SH3KBP1: variants seen among roughly 807,000 people sequenced by gnomAD.
SH3KBP1 encodes SH3 domain-containing kinase-binding protein 1.
In SH3KBP1, 8 loss-of-function variants were observed where a neutral mutation model predicts 50.1. The ratio of observed to expected loss-of-function variants is 0.16; its 90% CI spans 0.09 to 0.29. SH3KBP1 has a LOEUF of 0.29. SH3KBP1 is among the 10% of genes least tolerant of loss of function. The pLI is 1.00. For missense variants in SH3KBP1, 377 were observed against 535.2 expected, an observed-to-expected ratio of 0.70 and a Z score of 2.92; for synonymous variants, 227 against 218.6, an observed-to-expected ratio of 1.04 and a Z score of -0.34.
rs764651688 is a variant in SH3KBP1 at position 19,551,392 on chromosome X, T to A, written c.1385-1309A>T. On this transcript the variant is annotated intron_variant, in intron 13 of 17. Coordinates refer to ENST00000397821, the MANE Select transcript of SH3KBP1 (RefSeq NM_031892.3). ...ATCTCTCTAGCTGGGCTCAGCAGGGTGCCAGGAGGACCCTGGCCAGGGGGA... is the reference window on the plus strand; with the variant it reads ...ATCTCTCTAGCTGGGCTCAGCAGGGAGCCAGGAGGACCCTGGCCAGGGGGA... Among the ~76,000 whole-genome samples, 5 of 110,914 alleles carry A rather than the reference T, an allele frequency of 4.5e-5. No individual in the cohort carries two copies. In the East Asian group the frequency reaches 1.4e-3, roughly 31 times the overall value.
intron 2 of SH3KBP1, among the ~76,000 whole-genome samples, chrX:19,747,102 A>G (rs2064939526): frequency 8.9e-6 from 1 of 112,048 alleles, no homozygotes; most frequent in African/African-American, 3.2e-5. Context: ...ACACCAGCGG[A>G]ACTGAGTAGC....
chrX:19,572,080 C>T (rs982698065), intron 12 of SH3KBP1, among the ~76,000 whole-genome samples: 2 of 110,120 alleles, frequency 1.8e-5, no homozygotes, highest in African/African-American at 3.3e-5. Flanking sequence ...AATGTGAGCC[C>T]GTCTCCAGAA....
rs952885166 is a variant in SH3KBP1, at chrX:19,816,442, C to G, written c.162+19683G>C. On this transcript the variant is annotated intron_variant, in intron 2 of 17. Coordinates refer to ENST00000397821, the MANE Select transcript of SH3KBP1 (RefSeq NM_031892.3). ...TCAGACATGTGGTTTGCAAATATTT[C>G]CTCCCAGTCTGTAACCTATCTTTTC... Among the ~76,000 whole-genome samples, 2 of 111,787 alleles carry G rather than the reference C, an allele frequency of 1.8e-5. 1 individual carries two copies.
intron 1 of SH3KBP1, among the ~76,000 whole-genome samples, chrX:19,857,530 G>A (rs983138041): frequency 9.2e-6 from 1 of 109,174 alleles, no homozygotes; most frequent in African/African-American, 3.3e-5. Flanking sequence ...TGAGACCAGC[G>A]TGGCCAAGAT....
At chrX:19,622,958 G>A (rs1317947504) in intron 8 of SH3KBP1, among the ~76,000 whole-genome samples, 1 of 105,298 alleles carries the variant, frequency 9.5e-6, no homozygotes, top group African/African-American at 3.5e-5. Flanking sequence ...CACGAGAATC[G>A]CTTGAACCCA....
intron 7 of SH3KBP1, among the ~76,000 whole-genome samples, chrX:19,641,551 A>C (rs1486541613): frequency 8.9e-6 from 1 of 112,089 alleles, no homozygotes; most frequent in Non-Finnish European, 1.9e-5. Flanking sequence ...AAGTGTTTCA[A>C]ACATGTTTTT....
At chrX:19,627,067 G>A (rs2068044121) in intron 8 of SH3KBP1, among the ~76,000 whole-genome samples, 1 of 112,124 alleles carries the variant, frequency 8.9e-6, no homozygotes, top group African/African-American at 3.2e-5. Context: ...GTATGCTTAA[G>A]GGTCAAAGAC....
chrX:19,788,198 G>A (rs887317603), intron 2 of SH3KBP1, among the ~76,000 whole-genome samples: 5 of 98,568 alleles, frequency 5.1e-5, no homozygotes, highest in Admixed American at 1.2e-4. Flanking sequence ...GAGCCCAGAA[G>A]ATGGAGGCTG....
intron 8 of SH3KBP1, among the ~76,000 whole-genome samples, chrX:19,619,231 G>A (rs1160507536): frequency 1.8e-5 from 2 of 110,479 alleles, no homozygotes; most frequent in African/African-American, 3.3e-5. Flanking sequence ...AGCCAAGATC[G>A]TGCCACTGCA....
At chrX:19,868,348 T>C (rs1442391805) in intron 1 of SH3KBP1, among the ~76,000 whole-genome samples, 2 of 111,224 alleles carry the variant, frequency 1.8e-5, no homozygotes, top group African/African-American at 6.5e-5. Context: ...ATGGATGAAA[T>C]TGTCACTCAT....
rs1449930746 is a variant in SH3KBP1 at position 19,884,611 on chromosome X, T to C, written c.4+2696A>G. Among the ~76,000 whole-genome samples the C allele has an allele frequency of 2.7e-5, 3 of 112,649 alleles. No homozygotes were observed. In the South Asian group the frequency reaches 1.1e-3, roughly 41 times the overall value. ...ACAGACCAACACATTATGTTCATTTTAGCTTTAGTTTAGCATACAGCAGTC... is the reference window on the plus strand; with the variant it reads ...ACAGACCAACACATTATGTTCATTTCAGCTTTAGTTTAGCATACAGCAGTC... On this transcript the variant is annotated intron_variant, in intron 1 of 17. Coordinates refer to ENST00000397821, the MANE Select transcript of SH3KBP1 (RefSeq NM_031892.3).
In SH3KBP1 at chrX:19,770,546, G is replaced by A. The variant is rs760022542; in HGVS notation, c.163-24105C>T. ...ATGGTAGAATGACTTATATTCCTTC[G>A]GGTATATACCCAGTAATGGGACTGC... On this transcript the variant is annotated intron_variant, in intron 2 of 17. Transcript: ENST00000397821. 2.7e-4 allele frequency among the ~76,000 whole-genome samples: 30 copies of A among 111,294 alleles called. No individual in the cohort carries two copies. In the South Asian group the frequency reaches 9.9e-3, roughly 37 times the overall value.
At chrX:19,758,048 G>A (rs779511996) in intron 2 of SH3KBP1, among the ~76,000 whole-genome samples, 3 of 110,364 alleles carry the variant, frequency 2.7e-5, no homozygotes, top group Admixed American at 9.7e-5. Flanking sequence ...ATTCAAGGCC[G>A]GGGGCAGTGG....
chrX:19,669,325 A>AATAATAATTATT (rs780980302), intron 6 of SH3KBP1, among the ~76,000 whole-genome samples: 1,504 of 102,509 alleles, frequency 0.015, 31 homozygotes, highest in African/African-American at 0.051. Context: ...TAATAATAAT[A>AATAATAATTATT]ATTATTATTA....
At chrX:19,644,740 A>G (rs1048984454) in intron 7 of SH3KBP1, among the ~76,000 whole-genome samples, 2 of 112,460 alleles carry the variant, frequency 1.8e-5, no homozygotes, top group East Asian at 5.5e-4. Context: ...ATTGAGTTAA[A>G]TAAAAATACA....
intron 2 of SH3KBP1, among the ~76,000 whole-genome samples, chrX:19,817,285 C>T (rs1340930444): frequency 9.0e-6 from 1 of 111,588 alleles, no homozygotes; most frequent in Non-Finnish European, 1.9e-5. Flanking sequence ...TTTTATAAAT[C>T]TTAAAATAAA....
At chrX:19,821,629 C>T (rs968485564) in intron 2 of SH3KBP1, among the ~76,000 whole-genome samples, 15 of 110,419 alleles carry the variant, frequency 1.4e-4, no homozygotes, top group Non-Finnish European at 2.1e-4. Context: ...CCCAGGTTCA[C>T]GCCATTCTCC....
chrX:19,603,807 C>G (rs1201607784), intron 9 of SH3KBP1, among the ~76,000 whole-genome samples: 1 of 111,593 alleles, frequency 9.0e-6, no homozygotes, highest in African/African-American at 3.3e-5. Flanking sequence ...CCAAACTCAG[C>G]CTCCTGAATA....
intron 2 of SH3KBP1, among the ~76,000 whole-genome samples, chrX:19,791,781 C>T (rs893902208): frequency 2.7e-5 from 3 of 111,589 alleles, no homozygotes; most frequent in Admixed American, 9.5e-5. Flanking sequence ...ACAGTTAAGA[C>T]TGGGCTTCAT....
Sources: allele counts gnomAD v4.1 joint callset (sites outside exome capture counted in the v4.1 genomes callset), GRCh38; gene constraint gnomAD v4.1.1; transcripts MANE v1.5; gene names NCBI Gene and HGNC (gene_info 2026-07-23, HGNC 2026-07-21).